Variants in NDUFS4 observed in about 807,000 individuals in gnomAD.
NDUFS4 encodes NADH:ubiquinone oxidoreductase subunit S4.
In NDUFS4, 28 loss-of-function variants were observed where a neutral mutation model predicts 24.3. The ratio of observed to expected loss-of-function variants is 1.15; its 90% CI spans 0.85 to 1.58. NDUFS4 has a LOEUF of 1.58. Ranked by LOEUF, NDUFS4 falls within the 40% of genes most tolerant of loss-of-function variation. The probability of loss-of-function intolerance (pLI) is 0.00; values close to 1 mark genes in which losing one functional copy is unlikely to be tolerated. For synonymous variants in NDUFS4, 93 were observed against 69.7 expected, an observed-to-expected ratio of 1.34 and a Z score of -1.67; for missense variants, 223 against 207.9, an observed-to-expected ratio of 1.07 and a Z score of -0.45.
At chr5:53,572,962 T>G (rs1458294037) in intron 1 of NDUFS4, among the ~76,000 whole-genome samples, 2 of 93,824 alleles carry the variant, frequency 2.1e-5, no homozygotes, top group South Asian at 3.7e-4. Context: ...TTTTTGTTTT[T>G]TTTTTTTGTT....
chr5:53,663,688 G>A (rs1173986703), intron 4 of NDUFS4, among the ~76,000 whole-genome samples: 1 of 152,074 alleles, frequency 6.6e-6, no homozygotes, highest in African/African-American at 2.4e-5. Flanking sequence ...TTGCTTGGTA[G>A]ATCTTCCTCC....
chr5:53,633,072 T>A (rs909800116), intron 2 of NDUFS4, among the ~76,000 whole-genome samples: 1 of 152,230 alleles, frequency 6.6e-6, no homozygotes, highest in African/African-American at 2.4e-5. Context: ...TTATCAAGAC[T>A]CAGCGAGCTT....
chr5:53,580,732 C>T (rs1205705452), intron 1 of NDUFS4, among the ~76,000 whole-genome samples: 2 of 132,398 alleles, frequency 1.5e-5, no homozygotes, highest in Admixed American at 8.1e-5. Context: ...TTCCTTTTCC[C>T]TTTCCTTTCC....
intron 1 of NDUFS4, among the ~76,000 whole-genome samples, chr5:53,586,824 G>A (rs984849686): frequency 2.0e-5 from 3 of 151,688 alleles, no homozygotes; most frequent in African/African-American, 7.3e-5. Flanking sequence ...TGCCCAGCCT[G>A]TTTCTTCCTT....
chr5:53,580,783 T>C (rs556288796), intron 1 of NDUFS4, among the ~76,000 whole-genome samples: 14 of 149,806 alleles, frequency 9.3e-5, no homozygotes, highest in African/African-American at 2.7e-4. Context: ...CTCTCTCTCT[T>C]TCTTTCTCTT....
At chr5:53,665,812 C>G (rs755881871) in intron 4 of NDUFS4, among the ~76,000 whole-genome samples, 3 of 152,204 alleles carry the variant, frequency 2.0e-5, no homozygotes, top group Non-Finnish European at 4.4e-5. Flanking sequence ...GGCTCACACT[C>G]GGTGTGCTCC....
chr5:53,560,737 T>C lies in NDUFS4; in HGVS notation c.75T>C (p.Leu25=). The C allele has an allele frequency of 3.7e-6, 6 of 1,614,232 alleles. No homozygotes were observed. The highest frequency in any genetic ancestry group is 5.1e-6 in the Non-Finnish European group (6 of 1,180,042). ...WRRRAVAVAA[L]SVSRVPTRSL... Reference sequence around the variant, plus strand: ...GAAGGGCAGTGGCTGTAGCTGCCCTTTCCGTTTCCAGGGTTCCGACCAGGT... The same window carrying C: ...GAAGGGCAGTGGCTGTAGCTGCCCTCTCCGTTTCCAGGGTTCCGACCAGGT... Residue 25 remains leucine, a synonymous_variant, in exon 1 of 5, where the codon CTT becomes CTC. Transcript: ENST00000296684.
chr5:53,612,326 CTT>C (rs1750719734), intron 2 of NDUFS4, among the ~76,000 whole-genome samples: 1 of 151,942 alleles, frequency 6.6e-6, no homozygotes, highest in Non-Finnish European at 1.5e-5. Context: ...CCTGTTTTAA[CTT>C]TTACAAAGGT....
At chr5:53,585,742 CAAAA>C (rs1009474307) in intron 1 of NDUFS4, among the ~76,000 whole-genome samples, 1 of 114,228 alleles carries the variant, frequency 8.8e-6, no homozygotes, top group African/African-American at 3.1e-5. Context: ...AACTCCGTCT[CAAAA>C]AAAAAAAAAA....
intron 1 of NDUFS4, among the ~76,000 whole-genome samples, chr5:53,590,340 A>G (rs995893489): frequency 3.3e-5 from 5 of 152,246 alleles, no homozygotes; most frequent in Non-Finnish European, 5.9e-5. Flanking sequence ...CTATTAATAA[A>G]GATTCACAGT....
chr5:53,651,909 A>G (rs1752028983), intron 3 of NDUFS4, among the ~76,000 whole-genome samples: 1 of 151,642 alleles, frequency 6.6e-6, no homozygotes, highest in South Asian at 2.1e-4. Flanking sequence ...AGTACCTGGG[A>G]CTACAGGCAC....
chr5:53,563,107 T>G (rs1195074587), intron 1 of NDUFS4, among the ~76,000 whole-genome samples: 1 of 146,604 alleles, frequency 6.8e-6, no homozygotes, highest in African/African-American at 2.5e-5. Flanking sequence ...CGTGCGCCTG[T>G]AGTCCCAGCT....
intron 2 of NDUFS4, among the ~76,000 whole-genome samples, chr5:53,634,081 C>T (rs1357890255): frequency 6.6e-6 from 1 of 152,154 alleles, no homozygotes; most frequent in Non-Finnish European, 1.5e-5. Context: ...AAGTGTTTCC[C>T]TGGTTTTACT....
rs1433405883 is a variant in NDUFS4, at chr5:53,568,615, ACT to A, written c.98+7864_98+7865del. 2.6e-5 allele frequency among the ~76,000 whole-genome samples: 4 copies of A among 152,076 alleles called. No individual in the cohort carries two copies. The East Asian group carries it at 7.7e-4, about 29-fold the overall frequency. ...AATTTTGGAGAAAGCAGGCCATATT[ACT>A]CTCTCTCTAGAGACTCTTATTCTTC... On this transcript the variant is annotated intron_variant, in intron 1 of 4. Coordinates refer to ENST00000296684, the MANE Select transcript of NDUFS4 (RefSeq NM_002495.4).
At chr5:53,671,094 C>T (rs758795881) in intron 4 of NDUFS4, among the ~76,000 whole-genome samples, 22 of 151,934 alleles carry the variant, frequency 1.4e-4, no homozygotes, top group East Asian at 1.9e-4. Context: ...AGTATAGGGA[C>T]GTACTATATA....
At chr5:53,676,306 T>C (rs1740467281) in intron 4 of NDUFS4, among the ~76,000 whole-genome samples, 1 of 152,226 alleles carries the variant, frequency 6.6e-6, no homozygotes, top group South Asian at 2.1e-4. Flanking sequence ...TTAAAGTCAC[T>C]ATGAAACACT....
chr5:53,630,785 C>G (rs1751389258), intron 2 of NDUFS4, among the ~76,000 whole-genome samples: 1 of 152,072 alleles, frequency 6.6e-6, no homozygotes. Flanking sequence ...TTTGTCTAAA[C>G]TTTTTTCAAG....
intron 3 of NDUFS4, among the ~76,000 whole-genome samples, chr5:53,647,142 CTT>C (rs1751892111): frequency 6.6e-6 from 1 of 151,218 alleles, no homozygotes; most frequent in African/African-American, 2.4e-5. Context: ...AATTAGCTAA[CTT>C]GAGGGAAACT....
chr5:53,656,218 T>TA lies in NDUFS4; in HGVS notation c.351-2333_351-2332insA, dbSNP rs1247270482. Among the ~76,000 whole-genome samples the TA allele has an allele frequency of 2.6e-5, 4 of 151,468 alleles. No homozygotes were observed. In the East Asian group the frequency reaches 7.8e-4, roughly 29 times the overall value. ...AGATTGAATTCTCTAGAAGTTTATTTTTTTTTTCTATTAGTCACTCTCTGG... is the reference window on the plus strand; with the variant it reads ...AGATTGAATTCTCTAGAAGTTTATTTATTTTTTTCTATTAGTCACTCTCTGG... On this transcript the variant is annotated intron_variant, in intron 3 of 4. Coordinates refer to ENST00000296684, the MANE Select transcript of NDUFS4 (RefSeq NM_002495.4).
Sources: allele counts gnomAD v4.1 joint callset (sites outside exome capture counted in the v4.1 genomes callset), GRCh38; gene constraint gnomAD v4.1.1; transcripts MANE v1.5; gene names NCBI Gene and HGNC (gene_info 2026-07-23, HGNC 2026-07-21).